Variants in MLIP observed in about 807,000 individuals in gnomAD.
The protein encoded by MLIP is muscular LMNA interacting protein, also known as muscular LMNA-interacting protein.
A neutral mutation model predicts 84.8 loss-of-function variants in MLIP; 79 were observed. The ratio of observed to expected loss-of-function variants is 0.93; its 90% CI spans 0.78 to 1.12. The LOEUF (loss-of-function observed/expected upper bound fraction) is 1.12. Ranked by LOEUF, MLIP falls within the 50% of genes most tolerant of loss-of-function variation. The probability of loss-of-function intolerance (pLI) is 0.00; values close to 1 mark genes in which losing one functional copy is unlikely to be tolerated. For missense variants in MLIP, 1,257 were observed against 1,160.6 expected (o/e 1.08, Z -1.21); for synonymous variants, 504 against 463.0 (o/e 1.09, Z -1.14).
chr6:54,099,824 A>T (rs912190473), intron 1 of MLIP, among the ~76,000 whole-genome samples: 1 of 152,304 alleles, frequency 6.6e-6, no homozygotes, highest in Non-Finnish European at 1.5e-5. Flanking sequence ...TAGACTTATC[A>T]ATTAACAAAA....
At chr6:54,083,697 T>A (rs1561916396) in intron 1 of MLIP, 1 of 1,446,900 alleles carries the variant, frequency 6.9e-7, no homozygotes. Context: ...AGCTGTGTAC[T>A]GTCTTTGTAT....
intron 11 of MLIP, among the ~76,000 whole-genome samples, chr6:54,229,664 T>C (rs760811137): frequency 6.6e-6 from 1 of 152,226 alleles, no homozygotes. Flanking sequence ...GATAATGGCT[T>C]CCGGCTCCAT....
intron 1 of MLIP, among the ~76,000 whole-genome samples, chr6:54,085,245 G>C (rs1283527563): frequency 6.6e-6 from 1 of 152,142 alleles, no homozygotes; most frequent in African/African-American, 2.4e-5. Flanking sequence ...CCTCTGAGAG[G>C]CATTGAGAAA....
intron 1 of MLIP, among the ~76,000 whole-genome samples, chr6:54,057,289 T>C (rs983565974): frequency 8.5e-5 from 13 of 152,194 alleles, no homozygotes; most frequent in Non-Finnish European, 1.9e-4. Context: ...ACTATAATTA[T>C]GCAATGTGAA....
At chr6:54,251,925 AT>A (rs1782582127) in intron 12 of MLIP, among the ~76,000 whole-genome samples, 1 of 75,350 alleles carries the variant, frequency 1.3e-5, no homozygotes, top group Non-Finnish European at 2.1e-5. Flanking sequence ...TATAATATAA[AT>A]ATATATTATA....
chr6:54,084,399 A>T (rs1767355660), intron 1 of MLIP, among the ~76,000 whole-genome samples: 1 of 152,202 alleles, frequency 6.6e-6, no homozygotes, highest in Non-Finnish European at 1.5e-5. Flanking sequence ...ATGATGGAAT[A>T]ATAAATGGGT....
At chr6:54,059,727 G>C (rs945393832) in intron 1 of MLIP, among the ~76,000 whole-genome samples, 2 of 152,056 alleles carry the variant, frequency 1.3e-5, no homozygotes, top group Non-Finnish European at 2.9e-5. Context: ...TATATCTAAA[G>C]GTTAGAATTT....
chr6:54,020,300 C>A (rs1763423220), intron 1 of MLIP, among the ~76,000 whole-genome samples: 2 of 152,132 alleles, frequency 1.3e-5, no homozygotes, highest in Non-Finnish European at 2.9e-5. Context: ...AAGTCCCTAG[C>A]CTAAGCCTAT....
chr6:54,240,639 G>A (rs911190913), intron 12 of MLIP, among the ~76,000 whole-genome samples: 7 of 152,158 alleles, frequency 4.6e-5, no homozygotes, highest in Non-Finnish European at 1.0e-4. Context: ...TTAGGACTCA[G>A]ATTGGGCTGT....
chr6:54,081,880 G>A (rs1223232002), intron 1 of MLIP, among the ~76,000 whole-genome samples: 3 of 151,920 alleles, frequency 2.0e-5, no homozygotes. Context: ...ACATTTTTCA[G>A]CTTATTTGTT....
chr6:54,261,222 C>A (rs1361433022), intron 13 of MLIP, among the ~76,000 whole-genome samples: 1 of 152,002 alleles, frequency 6.6e-6, no homozygotes, highest in Admixed American at 6.6e-5. Context: ...TATCCACAAC[C>A]ACTCCATAAA....
intron 1 of MLIP, chr6:54,029,303 G>A (rs865986766): frequency 6.6e-5 from 10 of 152,250 alleles, no homozygotes; most frequent in African/African-American, 1.9e-4. Flanking sequence ...AGGTGATGAA[G>A]CTGTGAGGTT....
chr6:54,250,943 A>C lies in MLIP; in HGVS notation c.2923-6365A>C, dbSNP rs372628989. On this transcript the variant is annotated intron_variant, in intron 12 of 13. Transcript: ENST00000502396. ...AACACATTATTTTGTGTTTGGACTT[A>C]TATATTCCTGATTATATAATTACTA... Among the ~76,000 whole-genome samples the C allele has an allele frequency of 4.0e-4, 61 of 152,144 alleles. No individual in the cohort carries two copies. The East Asian group carries it at 0.01, about 25-fold the overall frequency.
chr6:54,173,919 C>T (rs1279008744), intron 9 of MLIP, among the ~76,000 whole-genome samples: 1 of 151,270 alleles, frequency 6.6e-6, no homozygotes, highest in African/African-American at 2.4e-5. Flanking sequence ...AACCATTCTT[C>T]TGCTCTCTAT....
intron 10 of MLIP, among the ~76,000 whole-genome samples, chr6:54,196,812 A>G (rs1287621758): frequency 6.6e-6 from 1 of 152,176 alleles, no homozygotes; most frequent in African/African-American, 2.4e-5. Context: ...ATTCTAGTTG[A>G]GAAAGAAAGA....
chr6:54,082,082 C>T (rs1280118939), intron 1 of MLIP, among the ~76,000 whole-genome samples: 101 of 152,142 alleles, frequency 6.6e-4, no homozygotes, highest in South Asian at 4.1e-4. Context: ...TTTCTTGAAA[C>T]ATTACTCATA....
At chr6:54,265,311 AATT>A (rs1421844763) in intron 13 of MLIP, among the ~76,000 whole-genome samples, 1 of 152,072 alleles carries the variant, frequency 6.6e-6, no homozygotes, top group Non-Finnish European at 1.5e-5. Context: ...TCTTCCACTC[AATT>A]AAGTTTATCT....
chr6:54,080,755 T>C (rs2150356870), intron 1 of MLIP, among the ~76,000 whole-genome samples: 1 of 148,560 alleles, frequency 6.7e-6, no homozygotes, highest in East Asian at 1.9e-4. Context: ...AAATACACTA[T>C]ATAAATATTA....
chr6:54,081,761 C>T (rs1480998585), intron 1 of MLIP, among the ~76,000 whole-genome samples: 1 of 152,074 alleles, frequency 6.6e-6, no homozygotes, highest in Non-Finnish European at 1.5e-5. Context: ...GACCTCGCCC[C>T]AGCAGACTTT....
Sources: allele counts gnomAD v4.1 joint callset (sites outside exome capture counted in the v4.1 genomes callset), GRCh38; gene constraint gnomAD v4.1.1; transcripts MANE v1.5; gene names NCBI Gene and HGNC (gene_info 2026-07-23, HGNC 2026-07-21).